Variants in JPH1 observed in about 807,000 individuals in gnomAD.
JPH1 encodes the protein junctophilin-1.
JPH1 carries 12 observed loss-of-function variants against 53.6 expected under a neutral mutation model. That is an observed-to-expected ratio of 0.22 (90% confidence interval 0.14 to 0.36). JPH1 has a LOEUF of 0.36. Among genes scored for constraint, JPH1 ranks in the 10% least tolerant of loss-of-function variants. The probability of loss-of-function intolerance (pLI) is 1.00; values close to 1 mark genes in which losing one functional copy is unlikely to be tolerated. For missense variants in JPH1, 808 were observed against 905.5 expected (o/e 0.89, Z 1.38); for synonymous variants, 375 against 363.8 (o/e 1.03, Z -0.35).
chr8:74,315,698 C>T lies in JPH1; in HGVS notation c.380-78G>A. 1.4e-6 allele frequency: 2 copies of T among 1,397,662 alleles called. No homozygotes were observed. Among genetic ancestry groups the T allele is most frequent in the Non-Finnish European group, 1.9e-6 (2 of 1,049,990 alleles). 86.6% of individuals were successfully genotyped at this position (1,397,662 alleles called of 1,614,324 possible). On this transcript the variant is annotated intron_variant, in intron 1 of 5. Coordinates refer to ENST00000342232, the MANE Select transcript of JPH1 (RefSeq NM_020647.4). This position sits in a 1 kb window ranked among gnomAD's most constrained non-coding sequence, Gnocchi z 6.3. ...ACCTGCACCATCCAGCGCACACTGG[C>T]GCAGGCCTGCCCAAGGTCAAATCTG...
chr8:74,263,860 TGA>T (rs1400686264), intron 2 of JPH1, among the ~76,000 whole-genome samples: 15 of 152,188 alleles, frequency 9.9e-5, no homozygotes, highest in African/African-American at 3.6e-4. Flanking sequence ...TATTCATTCA[TGA>T]GAGACCTAAA....
rs527270624 is a variant in JPH1 at position 74,262,016 on chromosome 8, T to C, written c.1140-2513A>G. 5.1e-4 allele frequency among the ~76,000 whole-genome samples: 78 copies of C among 152,356 alleles called. No individual in the cohort carries two copies. The South Asian group carries it at 0.016, about 32-fold the overall frequency. ...GAAGCACAGCATCAGTGAAGCCTGCTAGTACTTAACCCTTTACTTTTTTAC... is the reference window on the plus strand; with the variant it reads ...GAAGCACAGCATCAGTGAAGCCTGCCAGTACTTAACCCTTTACTTTTTTAC... On this transcript the variant is annotated intron_variant, in intron 2 of 5. Coordinates refer to ENST00000342232, the MANE Select transcript of JPH1 (RefSeq NM_020647.4).
At chr8:74,271,396 T>C (rs987539432) in intron 2 of JPH1, among the ~76,000 whole-genome samples, 1 of 152,244 alleles carries the variant, frequency 6.6e-6, no homozygotes, top group African/African-American at 2.4e-5. Flanking sequence ...CTTGCCAAGT[T>C]AGACTTGTTC....
chr8:74,257,638 C>T (rs1465831025), intron 3 of JPH1, among the ~76,000 whole-genome samples: 2 of 152,146 alleles, frequency 1.3e-5, no homozygotes, highest in Non-Finnish European at 2.9e-5. Context: ...TGCCAATATA[C>T]GTAGGTACCA....
chr8:74,313,435 T>G (rs923758285), intron 2 of JPH1, among the ~76,000 whole-genome samples: 1 of 151,932 alleles, frequency 6.6e-6, no homozygotes, highest in African/African-American at 2.4e-5. Context: ...TGAAATTAGT[T>G]TGGGATAAAG....
At chr8:74,259,989 G>C (rs1294819545) in intron 2 of JPH1, among the ~76,000 whole-genome samples, 2 of 152,208 alleles carry the variant, frequency 1.3e-5, no homozygotes, top group African/African-American at 2.4e-5. Context: ...AATGGGGATT[G>C]GTAGTGTTTA....
At chr8:74,292,137 C>T (rs1807346472) in intron 2 of JPH1, among the ~76,000 whole-genome samples, 1 of 152,128 alleles carries the variant, frequency 6.6e-6, no homozygotes, top group Non-Finnish European at 1.5e-5. Flanking sequence ...AACAAACCTG[C>T]ACGTTGTGCA....
At chr8:74,269,397 T>A (rs1034357470) in intron 2 of JPH1, among the ~76,000 whole-genome samples, 6 of 152,272 alleles carry the variant, frequency 3.9e-5, no homozygotes, top group African/African-American at 1.4e-4. Flanking sequence ...ATTCACTTCA[T>A]GTTTCCTTGT....
At chr8:74,244,420 T>TA in intron 4 of JPH1, 109 bp downstream of exon 4, 2 of 1,221,788 alleles carry the variant, frequency 1.6e-6, no homozygotes, top group South Asian at 2.9e-5. Flanking sequence ...CCTGTGCTTC[T>TA]AGAACCTTGG....
chr8:74,290,239 A>G (rs952317430), intron 2 of JPH1, among the ~76,000 whole-genome samples: 3 of 152,210 alleles, frequency 2.0e-5, no homozygotes, highest in Non-Finnish European at 4.4e-5. Flanking sequence ...AGAAAACCCC[A>G]TCATCTCAGC....
intron 3 of JPH1, 100 bp from the exon 4 acceptor site, chr8:74,245,275 T>C: frequency 1.9e-6 from 2 of 1,036,714 alleles, no homozygotes; most frequent in Non-Finnish European, 2.7e-6. Context: ...AATAATATAT[T>C]CATAAGGCTT....
chr8:74,272,221 CCAACAAAACCT>C (rs1184810601), intron 2 of JPH1, among the ~76,000 whole-genome samples: 5 of 146,308 alleles, frequency 3.4e-5, no homozygotes, highest in Non-Finnish European at 3.0e-5. Context: ...TTTTCTACCT[CCAACAAAACCT>C]CAACATACTT....
At position 74,302,351 on chromosome 8, in the gene JPH1, C is replaced by T. The variant is rs1172817535; in HGVS notation, c.1139+12510G>A. Among the ~76,000 whole-genome samples the T allele has an allele frequency of 2.0e-5, 3 of 152,166 alleles. No homozygotes were observed. The East Asian group carries it at 5.8e-4, about 29-fold the overall frequency. On this transcript the variant is annotated intron_variant, in intron 2 of 5. Coordinates refer to ENST00000342232, the MANE Select transcript of JPH1 (RefSeq NM_020647.4). The stretch of plus-strand genomic sequence containing the variant: ...ACTTTAATGTTTCTGTACACAAATA[C>T]TGCTAATAAGATCCTGCTACCACCC...
intron 2 of JPH1, among the ~76,000 whole-genome samples, chr8:74,285,160 C>T (rs1057455104): frequency 6.6e-6 from 1 of 151,958 alleles, no homozygotes; most frequent in Non-Finnish European, 1.5e-5. Context: ...TTTTTTTAAA[C>T]CAACAGGCAT....
intron 3 of JPH1, among the ~76,000 whole-genome samples, chr8:74,253,088 C>T (rs949388613): frequency 2.0e-4 from 30 of 152,080 alleles, no homozygotes; most frequent in Admixed American, 1.1e-3. Flanking sequence ...ACAGAATATA[C>T]ATTCTTTTCA....
rs1390890636 is a variant in JPH1, at chr8:74,235,871, T to G, written c.*1180A>C. 1.3e-5 allele frequency: 2 copies of G among 152,268 alleles called. No individual in the cohort carries two copies. Among genetic ancestry groups the G allele is most frequent in the Admixed American group, 6.5e-5 (1 of 15,288 alleles). 9.4% of individuals were successfully genotyped at this position (152,268 alleles called of 1,614,324 possible). ...GCAGTGATTGAACAAGGCTTTATGT[T>G]CTACCTGAATGTATTCAACAGAAAT... is the stretch of plus-strand genomic sequence containing the variant. On this transcript the variant is annotated 3_prime_UTR_variant, in exon 6 of 6. Transcript: ENST00000342232.
intron 2 of JPH1, among the ~76,000 whole-genome samples, chr8:74,288,348 G>C (rs1807229362): frequency 6.6e-6 from 1 of 152,120 alleles, no homozygotes; most frequent in South Asian, 2.1e-4. Flanking sequence ...TCTCACCCAA[G>C]GGCTGCCTCT....
intron 3 of JPH1, among the ~76,000 whole-genome samples, chr8:74,250,054 C>T (rs746182107): frequency 6.6e-6 from 1 of 152,140 alleles, no homozygotes; most frequent in Admixed American, 6.5e-5. Context: ...CAGCCCCTGC[C>T]TCCATCAATA....
In JPH1 at chr8:74,312,409, C is replaced by T. The variant is rs543420030; in HGVS notation, c.1139+2452G>A. Among the ~76,000 whole-genome samples the T allele has an allele frequency of 1.6e-4, 24 of 152,192 alleles. No individual in the cohort carries two copies. In the South Asian group the frequency reaches 2.5e-3, roughly 16 times the overall value. ...TAGGACAGGTGTGCGCCACCGTGTCCGGCTAATTTTCTTATTTTTTGCAGA... is the reference window on the plus strand; with the variant it reads ...TAGGACAGGTGTGCGCCACCGTGTCTGGCTAATTTTCTTATTTTTTGCAGA... On this transcript the variant is annotated intron_variant, in intron 2 of 5. Coordinates refer to ENST00000342232, the MANE Select transcript of JPH1 (RefSeq NM_020647.4).
Sources: allele counts gnomAD v4.1 joint callset (sites outside exome capture counted in the v4.1 genomes callset), GRCh38; gene constraint gnomAD v4.1.1; non-coding constraint Gnocchi (gnomAD v3.1); transcripts MANE v1.5; gene names NCBI Gene and HGNC (gene_info 2026-07-23, HGNC 2026-07-21).